The following RYR1 variants were observed in gnomAD, a reference collection of about 807,000 sequenced individuals.
RYR1 encodes ryanodine receptor 1, also known as central core disease of muscle.
RYR1 carries 342 observed loss-of-function variants against 583.5 expected under a neutral mutation model. The ratio of observed to expected loss-of-function variants is 0.59; its 90% CI spans 0.54 to 0.64. The LOEUF is 0.64. Ranked by LOEUF, RYR1 falls within the 30% of genes least tolerant of loss-of-function variation. The pLI is 0.00. For missense variants in RYR1, 6,032 were observed against 6,917.2 expected (o/e 0.87, Z 4.54); for synonymous variants, 2,791 against 2,822.5 (o/e 0.99, Z 0.35).
rs1055724588 is a variant in RYR1 at position 38,466,034 on chromosome 19, C to G, written c.2871-57C>G. ...CAGCAGTCAGGGATCCCATATAGTG[C>G]AGAGCCCGGAAGTGGAGGTGAGGGC... On this transcript the variant is annotated intron_variant, in intron 23 of 105. Transcript: ENST00000359596. The G allele has an allele frequency of 2.6e-6, 4 of 1,518,960 alleles. No individual in the cohort carries two copies. In the African/African-American group the frequency reaches 5.5e-5, roughly 21 times the overall value. The allele number at this position is 1,518,960 out of a possible 1,614,324, so 94.1% of individuals were successfully genotyped here. A position where few individuals can be genotyped will look rare whatever the true frequency, so the allele number is the denominator to read the frequency against.
At chr19:38,567,104 C>G in intron 92 of RYR1, 117 bp downstream of exon 92, 2 of 1,504,320 alleles carry the variant, frequency 1.3e-6, no homozygotes, top group Non-Finnish European at 1.8e-6. Flanking sequence ...TCGGCATCAC[C>G]CAGCCCAGAC....
chr19:38,495,186 C>T (rs754751443), intron 39 of RYR1, among the ~76,000 whole-genome samples: 2 of 152,130 alleles, frequency 1.3e-5, no homozygotes, highest in African/African-American at 2.4e-5. Flanking sequence ...GTTTCCTCAT[C>T]TGTAAAACCG....
chr19:38,511,067 G>A (rs1970705778), intron 60 of RYR1, among the ~76,000 whole-genome samples: 1 of 152,164 alleles, frequency 6.6e-6, no homozygotes, highest in Non-Finnish European at 1.5e-5. Flanking sequence ...AAGCTGAGGT[G>A]GGAAGATCAC....
rs1399989253 is a variant in RYR1 at position 38,499,892 on chromosome 19, C to G, written c.7215-16C>G. 1 of 1,613,350 alleles carries G rather than the reference C, an allele frequency of 6.2e-7. No individual in the cohort carries two copies. The highest frequency in any genetic ancestry group is 2.2e-5 in the East Asian group (1 of 44,874). On this transcript the variant is annotated splice_polypyrimidine_tract_variant and intron_variant, in intron 44 of 105. Transcript: ENST00000359596. This position sits in a 1 kb window ranked among gnomAD's most constrained non-coding sequence, Gnocchi z 7.3. ...GGCCCCTGGCTGCCTCCCCAACCCA[C>G]CCACCTTCCCTGCAGCTTTGGTGAG...
chr19:38,494,474 G>A lies in RYR1; in HGVS notation c.6397G>A (p.Glu2133Lys), dbSNP rs763076059. Residue 2133 changes from glutamate (E) to lysine (K), a missense_variant, in exon 39 of 106, where the codon GAG becomes AAG. This residue lies in a region of RYR1 where 2,627 missense variants were observed against 2,961.3 expected (regional missense o/e 0.89). Transcript: ENST00000359596. ...LLHRQYDGLG[E>K]LLRALPRAYT... ...GCACCGGCAGTACGACGGGCTGGGT[G>A]AGCTGCTGCGTGCCCTGCCGCGGGC... 2.5e-6 allele frequency: 4 copies of A among 1,612,938 alleles called. No individual in the cohort carries two copies. The South Asian group carries it at 4.4e-5, about 18-fold the overall frequency.
chr19:38,563,613 A>C (rs1426637894), intron 90 of RYR1, among the ~76,000 whole-genome samples: 1 of 152,196 alleles, frequency 6.6e-6, no homozygotes, highest in Non-Finnish European at 1.5e-5. Flanking sequence ...ATCATGCAGC[A>C]TCTATTAACT....
chr19:38,480,534 G>A (rs1490519544), intron 31 of RYR1, among the ~76,000 whole-genome samples: 4 of 152,026 alleles, frequency 2.6e-5, no homozygotes, highest in Non-Finnish European at 4.4e-5. Flanking sequence ...TCTGTTTTCA[G>A]TGTGTAGCTT....
intron 31 of RYR1, among the ~76,000 whole-genome samples, chr19:38,482,036 C>T (rs1230703544): frequency 2.0e-5 from 3 of 151,618 alleles, no homozygotes; most frequent in Non-Finnish European, 2.9e-5. Flanking sequence ...TGCAGTGAGC[C>T]GAGATGATGC....
rs756326114 is a variant in RYR1 at position 38,442,354 on chromosome 19, G to GC, written c.177dup (p.Asp60ArgfsTer24). On this transcript the variant is annotated frameshift_variant, in exon 3 of 106. Coordinates refer to ENST00000359596, the MANE Select transcript of RYR1 (RefSeq NM_000540.3). LOFTEE classifies it high-confidence loss of function. ...ACATCCCCCTCCCACCCCAGAATGT[G>GC]CCCCCCGATCTGGCCATCTGTTGCT... 3 of 1,599,682 alleles carry GC rather than the reference G, an allele frequency of 1.9e-6. No individual in the cohort carries two copies.
At chr19:38,452,743 G>A (rs1967143179) in intron 12 of RYR1, 76 bp from the exon 13 acceptor site, 4 of 1,365,436 alleles carry the variant, frequency 2.9e-6, no homozygotes, top group Non-Finnish European at 4.0e-6. Flanking sequence ...GGAGTCTTGC[G>A]GGAGTGAGGT....
chr19:38,490,809 C>T, intron 37 of RYR1, 77 bp downstream of exon 37: 1 of 885,910 alleles, frequency 1.1e-6, no homozygotes, highest in Non-Finnish European at 1.9e-6. Context: ...CCTAAGATTT[C>T]CTGACAACCC....
rs12462002 is a variant in RYR1, at chr19:38,567,518, A to G, written c.13515-255A>G. Among the ~76,000 whole-genome samples, 1,387 of 150,968 alleles carry G rather than the reference A, an allele frequency of 9.2e-3. 40 individuals carry two copies. The highest frequency in any genetic ancestry group is 0.083 in the East Asian group (424 of 5,104). ...GAGGTGTCTCCTCCAGATTCCCACA[A>G]CCCCCTGAGCTTCCTCCATCCCAGC... is the stretch of plus-strand genomic sequence containing the variant. On this transcript the variant is annotated intron_variant, in intron 92 of 105. Coordinates refer to ENST00000359596, the MANE Select transcript of RYR1 (RefSeq NM_000540.3).
At chr19:38,435,498 A>G (rs537739594) in intron 1 of RYR1, among the ~76,000 whole-genome samples, 2 of 152,266 alleles carry the variant, frequency 1.3e-5, no homozygotes, top group South Asian at 2.1e-4. Context: ...TTGGGAGGCC[A>G]AGGTGAGCGG....
chr19:38,572,862 G>T (rs1047338814), intron 95 of RYR1, among the ~76,000 whole-genome samples: 1 of 141,224 alleles, frequency 7.1e-6, no homozygotes, highest in Non-Finnish European at 1.5e-5. Flanking sequence ...TGCTCTGCCT[G>T]TGCCCCCCAA....
At position 38,494,614 on chromosome 19, in the gene RYR1, C is replaced by T. The variant is rs1360530626; in HGVS notation, c.6537C>T (p.Ile2179=). 1 of 1,613,988 alleles carries T rather than the reference C, an allele frequency of 6.2e-7. No homozygotes were observed. Among genetic ancestry groups the T allele is most frequent in the Non-Finnish European group, 8.5e-7 (1 of 1,180,040 alleles). ...GCCCCCAGGAGGAGAACCTCATGAT[C>T]CAGAGCATCGGGTGAGACACCGCCC... is the stretch of plus-strand genomic sequence containing the variant. ...QMGPQEENLM[I]QSIGNIMNNK... is the part of the protein sequence containing the mutation. The change falls in exon 39 of 106, where the codon ATC becomes ATT. Residue 2179 remains isoleucine, a synonymous_variant. Transcript: ENST00000359596.
intron 90 of RYR1, among the ~76,000 whole-genome samples, chr19:38,564,349 C>T (rs572074404): frequency 6.6e-6 from 1 of 152,260 alleles, no homozygotes; most frequent in Admixed American, 6.5e-5. Context: ...CATGGCAAAA[C>T]CCTGTCTCTA....
intron 60 of RYR1, 103 bp downstream of exon 60, chr19:38,510,884 G>A: frequency 9.1e-6 from 14 of 1,535,014 alleles, no homozygotes; most frequent in South Asian, 2.3e-5. Context: ...GGTACTGACC[G>A]TCTCCTGCAA....
Position 38,485,766 on chromosome 19 carries a change from G to A in RYR1, c.5111G>A (p.Gly1704Asp). ...GCCCTGGAGGACGCGCACCTGCCAG[G>A]CCCACTGCGCGCAGGCTACTATGAC... ...LHALEDAHLP[G>D]PLRAGYYDLL... The change falls in exon 34 of 106, where the codon GGC becomes GAC. Residue 1704 changes from glycine to aspartate, a missense_variant. Physicochemically the swap from Gly to Asp is moderately conservative, Grantham distance 94. Transcript: ENST00000359596. 1 of 1,613,036 alleles carries A rather than the reference G, an allele frequency of 6.2e-7. No individual in the cohort carries two copies.
At position 38,494,455 on chromosome 19, in the gene RYR1, G is replaced by C; in HGVS notation, c.6378G>C (p.Arg2126=). The C allele has an allele frequency of 6.2e-7, 1 of 1,612,716 alleles. No homozygotes were observed. The highest frequency in any genetic ancestry group is 8.5e-7 in the Non-Finnish European group (1 of 1,180,024). ...GGGCCATGTTCAGCCTCCTGCACCG[G>C]CAGTACGACGGGCTGGGTGAGCTGC... ...LVRAMFSLLH[R]QYDGLGELLR... Residue 2126 remains arginine (R), a synonymous_variant, in exon 39 of 106, where the codon CGG becomes CGC. Coordinates refer to ENST00000359596, the MANE Select transcript of RYR1 (RefSeq NM_000540.3).
Sources: gnomAD v4.1 joint callset for allele counts (sites outside exome capture counted in the v4.1 genomes callset) on GRCh38, gnomAD v4.1.1 for gene constraint, gnomAD v4.1.1 regional missense constraint, Gnocchi (gnomAD v3.1) non-coding constraint, MANE v1.5 for transcripts, NCBI Gene and HGNC (gene_info 2026-07-23, HGNC 2026-07-21) for gene names.